ZNF587B: variants seen among roughly 807,000 people sequenced by gnomAD.
The protein encoded by ZNF587B is zinc finger protein 587B.
Under a neutral mutation model 7.2 loss-of-function variants are expected in ZNF587B, and 6 were observed. The observed-to-expected ratio is 0.83, with a 90% CI of 0.46 to 1.65. The LOEUF is 1.65. ZNF587B is among the 40% of genes most tolerant of loss of function. The probability of loss-of-function intolerance (pLI) is 0.01; values close to 1 mark genes in which losing one functional copy is unlikely to be tolerated. For synonymous variants in ZNF587B, 274 were observed against 254.3 expected (o/e 1.08, Z -0.74); for missense variants, 749 against 761.0 (o/e 0.98, Z 0.19).
In ZNF587B at chr19:57,841,736, C is replaced by CA; in HGVS notation, c.1064dup (p.Cys356ValfsTer5). The CA allele has an allele frequency of 6.2e-7, 1 of 1,608,138 alleles. No homozygotes were observed. On this transcript the variant is annotated frameshift_variant, in exon 3 of 3. Coordinates refer to ENST00000594901, the MANE Select transcript of ZNF587B (RefSeq NM_001376223.1). LOFTEE classifies it low-confidence loss of function (END_TRUNC). ...GCATTCACACTGGAGAGAGACCTTA[C>CA]AAGTGTGGAGAATGTGAGAAATCTT...
rs1324065807 is a variant in ZNF587B at position 57,843,587 on chromosome 19, G to GTTTTTTTTTTTTTTTTTTTTATTTTTTT, written c.*1013_*1014insTTTTTTTTTTTTTTTTTTATTTTTTTTT. 1.4e-6 allele frequency: 1 copy of GTTTTTTTTTTTTTTTTTTTTATTTTTTT among 738,198 alleles called. No individual in the cohort carries two copies. Among genetic ancestry groups the GTTTTTTTTTTTTTTTTTTTTATTTTTTT allele is most frequent in the Non-Finnish European group, 1.6e-6 (1 of 639,028 alleles). 45.7% of individuals were successfully genotyped at this position (738,198 alleles called of 1,614,324 possible). A position where few individuals can be genotyped will look rare whatever the true frequency, so the allele number is the denominator to read the frequency against. On this transcript the variant is annotated 3_prime_UTR_variant, in exon 3 of 3. Transcript: ENST00000594901. ...GTTTGGTTGGTTGGTTGGTTGGTTG[G>GTTTTTTTTTTTTTTTTTTTTATTTTTTT]TTGTTTTTTTTTGTTTTTTTTTTTT...
chr19:57,843,361 C>G lies in ZNF587B; in HGVS notation c.*785C>G, dbSNP rs1988931332. The G allele has an allele frequency of 8.1e-6, 8 of 985,250 alleles. No homozygotes were observed. Among genetic ancestry groups the G allele is most frequent in the Non-Finnish European group, 9.6e-6 (8 of 829,932 alleles). 61.0% of individuals were successfully genotyped at this position (985,250 alleles called of 1,614,324 possible). On this transcript the variant is annotated 3_prime_UTR_variant, in exon 3 of 3. Coordinates refer to ENST00000594901, the MANE Select transcript of ZNF587B (RefSeq NM_001376223.1). ...ACCATGTGCCCAAATTGAAAAAACTCCAGGCATGTGGCATCTGTATTATAT... is the reference window on the plus strand; with the variant it reads ...ACCATGTGCCCAAATTGAAAAAACTGCAGGCATGTGGCATCTGTATTATAT...
intron 1 of ZNF587B, among the ~76,000 whole-genome samples, chr19:57,838,280 G>A (rs896209023): frequency 1.4e-5 from 2 of 144,806 alleles, no homozygotes; most frequent in Admixed American, 6.9e-5. Flanking sequence ...ATTGCACTCC[G>A]TCTCAAAAAA....
At chr19:57,831,412 A>T (rs1988387646) in intron 1 of ZNF587B, among the ~76,000 whole-genome samples, 1 of 152,150 alleles carries the variant, frequency 6.6e-6, no homozygotes, top group Non-Finnish European at 1.5e-5. Context: ...TATTTTTTTG[A>T]GACGGAGTTT....
Position 57,842,051 on chromosome 19 carries a change from C to T in ZNF587B, c.1377C>T (p.Gly459=), listed in dbSNP as rs1236065588. 3 of 1,589,612 alleles carry T rather than the reference C, an allele frequency of 1.9e-6. No homozygotes were observed. Among genetic ancestry groups the T allele is most frequent in the South Asian group, 1.1e-5 (1 of 88,840 alleles). The change falls in exon 3 of 3, where the codon GGC becomes GGT. Residue 459 remains glycine (G), a synonymous_variant. Coordinates refer to ENST00000594901, the MANE Select transcript of ZNF587B (RefSeq NM_001376223.1). Reference sequence around the variant, plus strand: ...GTAACCTCATTCTACACCAGCATGGCCATACTAGAAAAAGGCCTTATATGT... The same window carrying T: ...GTAACCTCATTCTACACCAGCATGGTCATACTAGAAAAAGGCCTTATATGT... ...HKGNLILHQH[G]HTRKRPYMCW... is the part of the protein sequence containing the mutation.
intron 2 of ZNF587B, among the ~76,000 whole-genome samples, chr19:57,839,694 T>TTGTGGTGGGAGGCACAGTCCTC (rs1988763665): frequency 6.6e-6 from 1 of 151,996 alleles, no homozygotes; most frequent in Non-Finnish European, 1.5e-5. Context: ...TTGGTCATCA[T>TTGTGGTGGGAGGCACAGTCCTC]TGTGGTGGGA....
chr19:57,843,587 G>GTTTTTTT lies in ZNF587B; in HGVS notation c.*1013_*1014insTTTTTTT, dbSNP rs1324065807. 9.5e-4 allele frequency: 721 copies of GTTTTTTT among 759,162 alleles called. 59 individuals carry two copies. The highest frequency in any genetic ancestry group is 6.3e-3 in the East Asian group (40 of 6,396). 47.0% of individuals were successfully genotyped at this position (759,162 alleles called of 1,614,324 possible). A position where few individuals can be genotyped will look rare whatever the true frequency, so the allele number is the denominator to read the frequency against. On this transcript the variant is annotated 3_prime_UTR_variant, in exon 3 of 3. Transcript: ENST00000594901. ...GTTTGGTTGGTTGGTTGGTTGGTTG[G>GTTTTTTT]TTGTTTTTTTTTGTTTTTTTTTTTT...
chr19:57,839,312 C>G (rs906525725), intron 2 of ZNF587B, among the ~76,000 whole-genome samples, 163 bp downstream of exon 2: 5 of 152,212 alleles, frequency 3.3e-5, no homozygotes, highest in African/African-American at 1.2e-4. Context: ...TACTGCCCTA[C>G]TCCTTTCTTG....
rs1408657923 is a variant in ZNF587B, at chr19:57,839,060, C to T, written c.74C>T (p.Thr25Ile). The change falls in exon 2 of 3, where the codon ACC (threonine) becomes ATC (isoleucine). Residue 25 changes from threonine to isoleucine, a missense_variant. Coordinates refer to ENST00000594901, the MANE Select transcript of ZNF587B (RefSeq NM_001376223.1). ...TTTGAAGACGTGGCTGTGAAATTTA[C>T]CCAGGAGGAATGGAATCTCCTTAGT... ...VTFEDVAVKF[T>I]QEEWNLLSEA... 6.2e-7 allele frequency: 1 copy of T among 1,614,114 alleles called. No individual in the cohort carries two copies. The highest frequency in any genetic ancestry group is 8.5e-7 in the Non-Finnish European group (1 of 1,180,024).
In ZNF587B at chr19:57,830,567, A is replaced by G. The variant is rs1988336477; in HGVS notation, c.36+3A>G. 6 of 1,550,340 alleles carry G rather than the reference A, an allele frequency of 3.9e-6. No homozygotes were observed. In the East Asian group the frequency reaches 1.5e-4, roughly 38 times the overall value. ...CCACGCTGAGGCTCTCTGCTCAGGT[A>G]ATTGTGGTGCCTTCCATGCCCTCAG... On this transcript the variant is annotated splice_donor_region_variant and intron_variant, in intron 1 of 2. Transcript: ENST00000594901.
Position 57,841,806 on chromosome 19 carries a change from GAAGT to G in ZNF587B, c.1136_1139del (p.Val379AspfsTer259). ...TAGTTACCATCAGCGCATTCACACT[GAAGT>G]AAGACCTTACAAGTGTGGAGAATGT... On this transcript the variant is annotated frameshift_variant, in exon 3 of 3. Coordinates refer to ENST00000594901, the MANE Select transcript of ZNF587B (RefSeq NM_001376223.1). LOFTEE classifies it low-confidence loss of function (END_TRUNC). The G allele has an allele frequency of 6.2e-7, 1 of 1,611,358 alleles. No homozygotes were observed. The highest frequency in any genetic ancestry group is 8.5e-7 in the Non-Finnish European group (1 of 1,178,970).
Position 57,843,590 on chromosome 19 carries a change from G to GTTTT in ZNF587B, c.*1020_*1023dup, listed in dbSNP as rs1174938612. ...TGGTTGGTTGGTTGGTTGGTTGGTT[G>GTTTT]TTTTTTTTTGTTTTTTTTTTTTTTT... On this transcript the variant is annotated 3_prime_UTR_variant, in exon 3 of 3. Coordinates refer to ENST00000594901, the MANE Select transcript of ZNF587B (RefSeq NM_001376223.1). 220 of 574,320 alleles carry GTTTT rather than the reference G, an allele frequency of 3.8e-4. No individual in the cohort carries two copies. Among genetic ancestry groups the GTTTT allele is most frequent in the Middle Eastern group, 9.1e-4 (1 of 1,104 alleles). The allele number at this position is 574,320 out of a possible 1,614,324, so 35.6% of individuals were successfully genotyped here. A position where few individuals can be genotyped will look rare whatever the true frequency, so the allele number is the denominator to read the frequency against.
rs1207985873 is a variant in ZNF587B at position 57,845,706 on chromosome 19, T to C, written c.*3130T>C. ...AAATCTGTATTTTTCTCTTAAACCGTGTTATAAAAGCTGTAATAAGGTATA... is the reference window on the plus strand; with the variant it reads ...AAATCTGTATTTTTCTCTTAAACCGCGTTATAAAAGCTGTAATAAGGTATA... On this transcript the variant is annotated 3_prime_UTR_variant, in exon 3 of 3. Transcript: ENST00000594901. 2 of 152,156 alleles carry C rather than the reference T, an allele frequency of 1.3e-5. No homozygotes were observed. The highest frequency in any genetic ancestry group is 2.9e-5 in the Non-Finnish European group (2 of 68,034). The allele number at this position is 152,156 out of a possible 1,614,324, so 9.4% of individuals were successfully genotyped here. A position where few individuals can be genotyped will look rare whatever the true frequency, so the allele number is the denominator to read the frequency against.
chr19:57,837,462 T>G (rs575090546), intron 1 of ZNF587B, among the ~76,000 whole-genome samples: 45 of 151,526 alleles, frequency 3.0e-4, no homozygotes, highest in African/African-American at 8.7e-4. Flanking sequence ...GGTTTGGTTT[T>G]GTTTGAGATG....
chr19:57,843,775 T>G lies in ZNF587B; in HGVS notation c.*1199T>G, dbSNP rs1988972329. On this transcript the variant is annotated 3_prime_UTR_variant, in exon 3 of 3. Coordinates refer to ENST00000594901, the MANE Select transcript of ZNF587B (RefSeq NM_001376223.1). Reference sequence around the variant, plus strand: ...TGCCACCACACCCAGGTAATTTTTGTACTTTTAGTAGAGATGGGGTTTCAC... The same window carrying G: ...TGCCACCACACCCAGGTAATTTTTGGACTTTTAGTAGAGATGGGGTTTCAC... Among the ~76,000 whole-genome samples, 1 of 151,960 alleles carries G rather than the reference T, an allele frequency of 6.6e-6. No homozygotes were observed. The highest frequency in any genetic ancestry group is 6.6e-5 in the Admixed American group (1 of 15,240).
At chr19:57,832,213 A>T (rs952671143) in intron 1 of ZNF587B, among the ~76,000 whole-genome samples, 4 of 151,698 alleles carry the variant, frequency 2.6e-5, no homozygotes, top group African/African-American at 7.3e-5. Context: ...CAGCCTCCCG[A>T]GTAGCTGGGA....
intron 1 of ZNF587B, among the ~76,000 whole-genome samples, chr19:57,835,671 G>T (rs369586211): frequency 9.8e-5 from 14 of 142,482 alleles, no homozygotes; most frequent in Admixed American, 2.8e-4. Flanking sequence ...AACCCTAGGG[G>T]TTTTGGCCTT....
Position 57,842,295 on chromosome 19 carries a change from A to G in ZNF587B, c.1621A>G (p.Lys541Glu). Residue 541 changes from lysine (K) to glutamate (E), a missense_variant, in exon 3 of 3, where the codon AAG (lysine) becomes GAG (glutamate). This residue lies in a region of ZNF587B where 656 missense variants were observed against 596.5 expected (regional missense o/e 1.10). Transcript: ENST00000594901. ...CCACAGCTGTGCATTCATTGTTCAT[A>G]AGAGAGTTCACACTGGTCAGAAGCC... ...FTHSCAFIVHKRVHTGQKPYE... is the reference protein window; with the variant it reads ...FTHSCAFIVHERVHTGQKPYE... The G allele has an allele frequency of 6.2e-7, 1 of 1,612,214 alleles. No individual in the cohort carries two copies. The highest frequency in any genetic ancestry group is 2.2e-5 in the East Asian group (1 of 44,838).
In ZNF587B at chr19:57,830,480, C is replaced by T. The variant is rs1376833844; in HGVS notation, c.-49C>T. On this transcript the variant is annotated 5_prime_UTR_variant, in exon 1 of 3. Transcript: ENST00000594901. ...ATAGGGACCGTCATGCCCATATCTC[C>T]TGGCTGGTCACCCTCTCCTCCCAAC... is the stretch of plus-strand genomic sequence containing the variant. The T allele has an allele frequency of 3.2e-6, 5 of 1,546,980 alleles. No homozygotes were observed. The highest frequency in any genetic ancestry group is 3.9e-5 in the Admixed American group (2 of 50,992).
Sources: allele counts gnomAD v4.1 joint callset (sites outside exome capture counted in the v4.1 genomes callset), GRCh38; gene constraint gnomAD v4.1.1; regional missense constraint gnomAD v4.1.1; transcripts MANE v1.5; gene names NCBI Gene and HGNC (gene_info 2026-07-23, HGNC 2026-07-21).